IFI16: variants seen among roughly 807,000 people sequenced by gnomAD.
IFI16 encodes the protein gamma-interferon-inducible protein 16.
A neutral mutation model predicts 68.4 loss-of-function variants in IFI16; 49 were observed. The observed-to-expected ratio is 0.72, with a 90% confidence interval of 0.57 to 0.91. The LOEUF is 0.91. IFI16 is among the 40% of genes least tolerant of loss of function. The pLI is 0.00. For missense variants in IFI16, 878 were observed against 942.9 expected (o/e 0.93, Z 0.90); for synonymous variants, 307 against 315.0 (o/e 0.97, Z 0.27).
chr1:159,016,043 G>C, intron 3 of IFI16, 56 bp downstream of exon 3: 1 of 1,084,966 alleles, frequency 9.2e-7, no homozygotes, highest in Non-Finnish European at 1.4e-6. Flanking sequence ...CTCTGCTACG[G>C]CTCTTCCACT....
chr1:159,037,172 A>G (rs1298473253), intron 7 of IFI16, among the ~76,000 whole-genome samples: 1 of 152,222 alleles, frequency 6.6e-6, no homozygotes, highest in African/African-American at 2.4e-5. Context: ...AGTTAATGAC[A>G]GTTTCAAAGT....
intron 7 of IFI16, among the ~76,000 whole-genome samples, chr1:159,041,386 T>A (rs1320327950): frequency 6.6e-6 from 1 of 152,154 alleles, no homozygotes; most frequent in Non-Finnish European, 1.5e-5. Context: ...AAGGGCAACA[T>A]AATCCTGACT....
At chr1:159,045,816 T>C (rs1240215441) in intron 8 of IFI16, among the ~76,000 whole-genome samples, 2 of 151,228 alleles carry the variant, frequency 1.3e-5, no homozygotes, top group Non-Finnish European at 3.0e-5. Context: ...TTCTCTTTCA[T>C]TTATTATAAC....
intron 4 of IFI16, among the ~76,000 whole-genome samples, chr1:159,017,646 C>T (rs1357964756): frequency 6.6e-6 from 1 of 152,028 alleles, no homozygotes; most frequent in Non-Finnish European, 1.5e-5. Context: ...CTCGCTCTGT[C>T]ACCCAGGCTG....
upstream of IFI16, among the ~76,000 whole-genome samples, chr1:159,001,942 T>C (rs531679204): frequency 2.6e-5 from 4 of 152,210 alleles, no homozygotes; most frequent in Non-Finnish European, 4.4e-5. Context: ...TATGGTCCTG[T>C]ACCATGCATA....
chr1:159,045,130 T>C (rs1270930958), intron 7 of IFI16, among the ~76,000 whole-genome samples, 167 bp from the exon 8 acceptor site: 2 of 149,856 alleles, frequency 1.3e-5, no homozygotes, highest in African/African-American at 4.9e-5. Flanking sequence ...GGCTGAGTGA[T>C]AGAAGTATCT....
At chr1:159,004,069 A>ATTGT (rs1319125914), upstream of IFI16, among the ~76,000 whole-genome samples, 1 of 152,226 alleles carries the variant, frequency 6.6e-6, no homozygotes, top group Non-Finnish European at 1.5e-5. Flanking sequence ...TGAACCAAAG[A>ATTGT]TTGTCAACCC....
At chr1:159,011,103 C>T (rs892085551) in intron 1 of IFI16, among the ~76,000 whole-genome samples, 4 of 151,750 alleles carry the variant, frequency 2.6e-5, no homozygotes, top group African/African-American at 4.8e-5. Flanking sequence ...CTTTTTTGGC[C>T]GGGCACAGAG....
chr1:159,014,338 T>C (rs1454835902), intron 1 of IFI16, among the ~76,000 whole-genome samples: 1 of 152,138 alleles, frequency 6.6e-6, no homozygotes, highest in Non-Finnish European at 1.5e-5. Flanking sequence ...TCAGCCCCAG[T>C]AAAGGATAAG....
chr1:159,019,954 C>T (rs945635938), intron 5 of IFI16, among the ~76,000 whole-genome samples: 2 of 152,142 alleles, frequency 1.3e-5, no homozygotes, highest in African/African-American at 4.8e-5. Context: ...CTTACAGATT[C>T]CTCATAAGTC....
chr1:159,036,390 C>A (rs78592154), intron 7 of IFI16, among the ~76,000 whole-genome samples: 5,287 of 152,198 alleles, frequency 0.035, 108 homozygotes, highest in Non-Finnish European at 0.046. Flanking sequence ...CTTACATCAC[C>A]CAGATGATGT....
intron 10 of IFI16, 135 bp downstream of exon 10, chr1:159,052,233 A>G: frequency 4.7e-6 from 3 of 641,266 alleles, no homozygotes; most frequent in Non-Finnish European, 8.1e-6. Context: ...AGCACTAGAG[A>G]TAATTGAATA....
chr1:159,053,990 A>G (rs1655523177), intron 11 of IFI16, among the ~76,000 whole-genome samples: 1 of 152,222 alleles, frequency 6.6e-6, no homozygotes, highest in African/African-American at 2.4e-5. Flanking sequence ...TGTGGAGATA[A>G]TTTAATAAGA....
At chr1:159,018,723 G>T in intron 5 of IFI16, 72 bp downstream of exon 5, 1 of 1,086,034 alleles carries the variant, frequency 9.2e-7, no homozygotes, top group East Asian at 2.4e-5. Context: ...TGTGTGAGAT[G>T]AAGCTTTGCC....
chr1:159,053,709 T>G lies in IFI16; in HGVS notation c.2262T>G (p.Ile754Met). Reference sequence around the variant, plus strand: ...ATACCGGGGAGTTGAGATCTGTAATTCATAGTCACATCAAGGTTGGAACTT... The same window carrying G: ...ATACCGGGGAGTTGAGATCTGTAATGCATAGTCACATCAAGGTTGGAACTT... ...SGNTGELRSV[I>M]HSHIKVIKTR... The change falls in exon 11 of 12, where the codon ATT becomes ATG. Residue 754 changes from isoleucine (I) to methionine (M), a missense_variant. Transcript: ENST00000295809. 1 of 1,613,328 alleles carries G rather than the reference T, an allele frequency of 6.2e-7. No homozygotes were observed. The highest frequency in any genetic ancestry group is 8.5e-7 in the Non-Finnish European group (1 of 1,179,500).
chr1:159,024,116 G>A (rs1653503528), intron 6 of IFI16, among the ~76,000 whole-genome samples: 1 of 152,194 alleles, frequency 6.6e-6, no homozygotes, highest in Non-Finnish European at 1.5e-5. Flanking sequence ...TTTAAAGTGC[G>A]AAGGGAATAT....
Position 159,052,087 on chromosome 1 carries a change from G to A in IFI16, c.2074G>A (p.Glu692Lys). The change falls in exon 10 of 12, where the codon GAG becomes AAG. Residue 692 changes from glutamate (E) to lysine (K), a missense_variant. Physicochemically the swap from Glu to Lys is moderately conservative, Grantham distance 56. This residue lies in a region of IFI16 where 311 missense variants were observed against 305.1 expected (regional missense o/e 1.02). Transcript: ENST00000295809. ...TKGSFVNGVF[E>K]VHKKNVRGEF... The stretch of plus-strand genomic sequence containing the variant: ...AGGAAGTTTTGTGAATGGGGTGTTT[G>A]AGGTACATAAGGTAAGCCCACACCA... 3 of 1,610,778 alleles carry A rather than the reference G, an allele frequency of 1.9e-6. No homozygotes were observed. The highest frequency in any genetic ancestry group is 2.5e-6 in the Non-Finnish European group (3 of 1,179,434).
At chr1:159,013,529 T>TA (rs1332851010) in intron 1 of IFI16, among the ~76,000 whole-genome samples, 18 of 152,266 alleles carry the variant, frequency 1.2e-4, no homozygotes, top group African/African-American at 4.1e-4. Context: ...TTCCTAAAAT[T>TA]AAAAAATTCA....
upstream of IFI16, among the ~76,000 whole-genome samples, chr1:159,007,650 AG>A (rs1652309209): frequency 6.6e-6 from 1 of 152,110 alleles, no homozygotes; most frequent in African/African-American, 2.4e-5. Flanking sequence ...GTAGTTTATG[AG>A]GGTGGGGTCC....
Sources: gnomAD v4.1 joint callset for allele counts (sites outside exome capture counted in the v4.1 genomes callset) on GRCh38, gnomAD v4.1.1 for gene constraint, gnomAD v4.1.1 regional missense constraint, MANE v1.5 for transcripts, NCBI Gene and HGNC (gene_info 2026-07-23, HGNC 2026-07-21) for gene names.